The following SEPTIN7 variants were observed in gnomAD, a reference collection of about 807,000 sequenced individuals.
SEPTIN7 encodes septin 7.
In SEPTIN7, 10 loss-of-function variants were observed where a neutral mutation model predicts 63.3. The observed-to-expected ratio is 0.16, with a 90% CI of 0.10 to 0.27. The LOEUF is 0.27. SEPTIN7 is among the 10% of genes least tolerant of loss of function. The pLI, the probability that SEPTIN7 is intolerant of heterozygous loss-of-function variation, is 1.00. For missense variants in SEPTIN7, 310 were observed against 521.0 expected (o/e 0.59, Z 3.94); for synonymous variants, 131 against 165.3 (o/e 0.79, Z 1.59).
chr7:35,866,700 C>G (rs1294758784), intron 4 of SEPTIN7, among the ~76,000 whole-genome samples: 2 of 152,184 alleles, frequency 1.3e-5, no homozygotes, highest in African/African-American at 4.8e-5. Flanking sequence ...AATAGCAGTT[C>G]TGATTCAAGT....
chr7:35,915,002 AATGT>A, the SEPTIN7 span, among the ~76,000 whole-genome samples: 4 of 151,986 alleles, frequency 2.6e-5, no homozygotes, highest in East Asian at 1.9e-4. Flanking sequence ...GTACACATAT[AATGT>A]ATGTGTACAT....
chr7:35,912,342 G>C, the SEPTIN7 span, among the ~76,000 whole-genome samples: 1 of 152,210 alleles, frequency 6.6e-6, no homozygotes, highest in Admixed American at 6.5e-5. Context: ...TGTGCCTAAA[G>C]GGCATGTTCC....
At position 35,810,044 on chromosome 7, in the gene SEPTIN7, T is replaced by C. The variant is rs142134572; in HGVS notation, c.61+8774T>C. On this transcript the variant is annotated intron_variant, in intron 1 of 13. Transcript: ENST00000350320. The stretch of plus-strand genomic sequence containing the variant: ...GAATGGGTAGATGAATAGATGCTAT[T>C]TCTTGAAATAGGTAATTTGAAACAT... Among the ~76,000 whole-genome samples, 406 of 152,228 alleles carry C rather than the reference T, an allele frequency of 2.7e-3. 2 individuals carry two copies. Among genetic ancestry groups the C allele is most frequent in the African/African-American group, 9.4e-3 (389 of 41,524 alleles).
intron 1 of SEPTIN7, among the ~76,000 whole-genome samples, chr7:35,810,025 G>A (rs913911976): frequency 2.0e-5 from 3 of 152,166 alleles, no homozygotes; most frequent in Admixed American, 1.3e-4. Context: ...GAGTGAATGG[G>A]TAGATGAATA....
chr7:35,844,039 C>T (rs1318239000), intron 3 of SEPTIN7, among the ~76,000 whole-genome samples: 1 of 152,146 alleles, frequency 6.6e-6, no homozygotes, highest in East Asian at 1.9e-4. Flanking sequence ...TCATAGCATG[C>T]TTGTCCTGGT....
intron 1 of SEPTIN7, among the ~76,000 whole-genome samples, chr7:35,809,002 G>T (rs1489732789): frequency 6.6e-6 from 1 of 152,150 alleles, no homozygotes; most frequent in African/African-American, 2.4e-5. Context: ...AAAAGTTGTA[G>T]TATTGACATT....
intron 3 of SEPTIN7, among the ~76,000 whole-genome samples, chr7:35,863,200 C>T (rs1341924266): frequency 6.6e-6 from 1 of 151,706 alleles, no homozygotes; most frequent in Non-Finnish European, 1.5e-5. Flanking sequence ...TAAAGAAAAA[C>T]TTTATTTCAC....
At chr7:35,809,125 T>C (rs1788541445) in intron 1 of SEPTIN7, among the ~76,000 whole-genome samples, 1 of 152,244 alleles carries the variant, frequency 6.6e-6, no homozygotes, top group Non-Finnish European at 1.5e-5. Flanking sequence ...GTTCATTCAC[T>C]TAACAAATAC....
At chr7:35,839,696 C>T (rs1233298384) in intron 3 of SEPTIN7, among the ~76,000 whole-genome samples, 4 of 152,066 alleles carry the variant, frequency 2.6e-5, no homozygotes, top group South Asian at 4.1e-4. Context: ...GGATTATAGG[C>T]GCCTGCCACC....
intron 4 of SEPTIN7, among the ~76,000 whole-genome samples, chr7:35,866,471 G>A (rs1408665942): frequency 8.5e-5 from 13 of 152,104 alleles, no homozygotes; most frequent in South Asian, 2.1e-4. Context: ...GAAGACAAAC[G>A]TTTATGAAAA....
At chr7:35,880,066 A>G (rs1266550598) in intron 7 of SEPTIN7, 126 bp downstream of exon 7, 3 of 614,030 alleles carry the variant, frequency 4.9e-6, no homozygotes, top group African/African-American at 1.9e-5. Flanking sequence ...TTTATACTGT[A>G]TTAGAAATAA....
intron 1 of SEPTIN7, among the ~76,000 whole-genome samples, chr7:35,823,121 C>G (rs776319118): frequency 6.6e-5 from 10 of 152,062 alleles, no homozygotes; most frequent in Non-Finnish European, 1.3e-4. Context: ...GAAATAATAA[C>G]CCTGTGGGGC....
At chr7:35,839,930 A>G (rs1784324752) in intron 3 of SEPTIN7, among the ~76,000 whole-genome samples, 1 of 152,106 alleles carries the variant, frequency 6.6e-6, no homozygotes, top group African/African-American at 2.4e-5. Flanking sequence ...GGCAATGAAG[A>G]TCTTTAAACA....
At chr7:35,890,594 C>G in intron 10 of SEPTIN7, 74 bp from the exon 11 acceptor site, 5 of 1,273,654 alleles carry the variant, frequency 3.9e-6, no homozygotes, top group Non-Finnish European at 5.0e-6. Context: ...ATTTTGAATT[C>G]ATATTAAAAC....
chr7:35,824,471 C>G (rs1783401328), intron 1 of SEPTIN7, among the ~76,000 whole-genome samples: 1 of 152,154 alleles, frequency 6.6e-6, no homozygotes, highest in South Asian at 2.1e-4. Flanking sequence ...ATGTTGATTA[C>G]TTAAGATATT....
chr7:35,844,974 A>C (rs1317799591), intron 3 of SEPTIN7, among the ~76,000 whole-genome samples: 2 of 152,200 alleles, frequency 1.3e-5, no homozygotes, highest in Non-Finnish European at 2.9e-5. Flanking sequence ...GTGTAATCCC[A>C]GCACTTTGGA....
chr7:35,878,003 T>A (rs1445439609), intron 6 of SEPTIN7, among the ~76,000 whole-genome samples: 1 of 152,204 alleles, frequency 6.6e-6, no homozygotes, highest in Non-Finnish European at 1.5e-5. Flanking sequence ...TGTAATTTAT[T>A]GAATACTGTA....
intron 4 of SEPTIN7, among the ~76,000 whole-genome samples, chr7:35,865,100 C>G (rs567881973): frequency 5.7e-4 from 86 of 150,132 alleles, no homozygotes; most frequent in African/African-American, 2.0e-3. Flanking sequence ...AAAACTTGTT[C>G]CTACATGCTT....
At chr7:35,854,283 A>T (rs1249906910) in intron 3 of SEPTIN7, among the ~76,000 whole-genome samples, 1 of 152,196 alleles carries the variant, frequency 6.6e-6, no homozygotes, top group African/African-American at 2.4e-5. Flanking sequence ...ACACAGAAGA[A>T]TTTATAACTT....
Sources: gnomAD v4.1 joint callset for allele counts (sites outside exome capture counted in the v4.1 genomes callset) on GRCh38, gnomAD v4.1.1 for gene constraint, MANE v1.5 for transcripts, NCBI Gene and HGNC (gene_info 2026-07-23, HGNC 2026-07-21) for gene names.